The following BICC1 variants were observed in gnomAD, a reference collection of about 807,000 sequenced individuals.
The protein encoded by BICC1 is BicC family RNA binding protein 1, also known as protein bicaudal C homolog 1.
A neutral mutation model predicts 111.0 loss-of-function variants in BICC1; 43 were observed. The ratio of observed to expected loss-of-function variants is 0.39; its 90% CI spans 0.30 to 0.50. BICC1 has a LOEUF of 0.50. Among genes scored for constraint, BICC1 ranks in the 20% least tolerant of loss-of-function variants. The pLI is 0.88. For missense variants in BICC1, 1,091 were observed against 1,203.2 expected, an observed-to-expected ratio of 0.91 and a Z score of 1.38; for synonymous variants, 467 against 434.4, an observed-to-expected ratio of 1.07 and a Z score of -0.93.
chr10:58,513,188 C>G lies in BICC1; in HGVS notation c.45C>G (p.Asp15Glu). The change falls in exon 1 of 21, where the codon GAC becomes GAG. Residue 15 changes from aspartate (D) to glutamate (E), a missense_variant. By Grantham distance (45) the Asp-to-Glu change is conservative. Coordinates refer to ENST00000373886, the MANE Select transcript of BICC1 (RefSeq NM_001080512.3). ...CCGGCTACCTGGCGGCGCAGTCGGA[C>G]CCCGGCTCCAACAGCGAGCGCAGCA... is the stretch of plus-strand genomic sequence containing the variant. Reference protein sequence around the residue: ...GEPGYLAAQSDPGSNSERSTD... With the variant: ...GEPGYLAAQSEPGSNSERSTD... 1 of 1,591,660 alleles carries G rather than the reference C, an allele frequency of 6.3e-7. No homozygotes were observed. The highest frequency in any genetic ancestry group is 8.5e-7 in the Non-Finnish European group (1 of 1,170,764).
At chr10:58,758,719 CT>C (rs1368283876) in intron 3 of BICC1, among the ~76,000 whole-genome samples, 2 of 152,062 alleles carry the variant, frequency 1.3e-5, no homozygotes, top group African/African-American at 2.4e-5. Context: ...ATGGCACTAA[CT>C]TTTTTTATTT....
At chr10:58,742,160 TTG>T (rs1554827383) in intron 3 of BICC1, among the ~76,000 whole-genome samples, 1 of 164 alleles carries the variant, frequency 6.1e-3, no homozygotes, top group Non-Finnish European at 0.012. Flanking sequence ...GTTTGAAAAC[TTG>T]TTTTTTTCCT....
intron 1 of BICC1, among the ~76,000 whole-genome samples, chr10:58,619,836 C>A (rs1164826004): frequency 6.6e-6 from 1 of 152,168 alleles, no homozygotes; most frequent in African/African-American, 2.4e-5. Context: ...TGCCACATTT[C>A]TTGGGTCTTT....
At chr10:58,753,514 T>A (rs1375008019) in intron 3 of BICC1, among the ~76,000 whole-genome samples, 1 of 152,118 alleles carries the variant, frequency 6.6e-6, no homozygotes, top group East Asian at 1.9e-4. Context: ...GGAATATGTT[T>A]TTGTATATGA....
At chr10:58,670,239 C>T (rs1839141803) in intron 2 of BICC1, among the ~76,000 whole-genome samples, 1 of 152,146 alleles carries the variant, frequency 6.6e-6, no homozygotes, top group African/African-American at 2.4e-5. Flanking sequence ...CCCTACACTT[C>T]ACCTCATCAG....
intron 1 of BICC1, among the ~76,000 whole-genome samples, chr10:58,566,393 C>T (rs1843765898): frequency 6.6e-6 from 1 of 151,970 alleles, no homozygotes; most frequent in African/African-American, 2.4e-5. Flanking sequence ...TTTCTTTATC[C>T]AGTCATTGAT....
chr10:58,727,521 AG>A (rs1435545006), intron 3 of BICC1, among the ~76,000 whole-genome samples: 1 of 151,638 alleles, frequency 6.6e-6, no homozygotes, highest in Non-Finnish European at 1.5e-5. Context: ...CGGGAGACTG[AG>A]GCTACAGTGA....
At chr10:58,599,614 C>T (rs565246101) in intron 1 of BICC1, among the ~76,000 whole-genome samples, 10 of 152,046 alleles carry the variant, frequency 6.6e-5, no homozygotes, top group African/African-American at 9.7e-5. Context: ...CAAAACTGCA[C>T]GTTCTGCACA....
At chr10:58,677,141 TCTC>T (rs1028846089) in intron 2 of BICC1, among the ~76,000 whole-genome samples, 45 of 152,204 alleles carry the variant, frequency 3.0e-4, no homozygotes, top group Middle Eastern at 3.4e-3. Context: ...GAATGCCTCT[TCTC>T]CTCCAAAGGA....
intron 1 of BICC1, among the ~76,000 whole-genome samples, chr10:58,610,774 TCA>T (rs1224557216): frequency 6.6e-6 from 1 of 152,200 alleles, no homozygotes; most frequent in Non-Finnish European, 1.5e-5. Flanking sequence ...TTTTTGCGGT[TCA>T]CACATTTTGG....
chr10:58,653,085 T>A (rs1279438854), intron 2 of BICC1, among the ~76,000 whole-genome samples: 1 of 152,158 alleles, frequency 6.6e-6, no homozygotes, highest in East Asian at 1.9e-4. Flanking sequence ...GAGCTAATCA[T>A]TGATTTTTTT....
At chr10:58,620,942 G>T in intron 2 of BICC1, 41 bp downstream of exon 2, 1 of 1,558,438 alleles carries the variant, frequency 6.4e-7, no homozygotes, top group Non-Finnish European at 8.8e-7. Context: ...TAAGTAAGAG[G>T]AAATATACTT....
intron 3 of BICC1, among the ~76,000 whole-genome samples, chr10:58,739,866 C>T (rs1841599257): frequency 6.6e-6 from 1 of 152,172 alleles, no homozygotes; most frequent in South Asian, 2.1e-4. Flanking sequence ...TATATCTCCA[C>T]TGGTCAAAGA....
At chr10:58,718,261 G>C (rs1002861791) in intron 3 of BICC1, among the ~76,000 whole-genome samples, 8 of 152,140 alleles carry the variant, frequency 5.3e-5, no homozygotes, top group African/African-American at 1.9e-4. Flanking sequence ...GTTCCTCATA[G>C]GTGGCACCTT....
chr10:58,578,796 C>T lies in BICC1; in HGVS notation c.191-42059C>T, dbSNP rs1053491644. Among the ~76,000 whole-genome samples the T allele has an allele frequency of 1.3e-5, 2 of 152,270 alleles. 1 individual carries two copies. The highest frequency in any genetic ancestry group is 4.1e-4 in the South Asian group (2 of 4,828). ...CCCTATAAGAGCCATGCCCCCTCTC[C>T]CACCTGTGTGTGCAGGAGTTCAACC... On this transcript the variant is annotated intron_variant, in intron 1 of 20. Coordinates refer to ENST00000373886, the MANE Select transcript of BICC1 (RefSeq NM_001080512.3).
At chr10:58,744,116 C>G (rs942566071) in intron 3 of BICC1, among the ~76,000 whole-genome samples, 2 of 152,194 alleles carry the variant, frequency 1.3e-5, no homozygotes, top group African/African-American at 2.4e-5. Flanking sequence ...AATTGCAATT[C>G]TAAGTGAGCT....
intron 1 of BICC1, among the ~76,000 whole-genome samples, chr10:58,524,346 A>G (rs1280820131): frequency 1.3e-5 from 2 of 152,184 alleles, no homozygotes; most frequent in Non-Finnish European, 2.9e-5. Context: ...TGATACCAAA[A>G]CAGAGATATA....
intron 1 of BICC1, among the ~76,000 whole-genome samples, chr10:58,592,126 A>G (rs1415886926): frequency 2.0e-5 from 3 of 152,242 alleles, no homozygotes; most frequent in Non-Finnish European, 2.9e-5. Flanking sequence ...GAGGAAAAAC[A>G]TACATTTTAC....
chr10:58,828,758 T>A lies in BICC1; in HGVS notation c.2795-3T>A. On this transcript the variant is annotated splice_polypyrimidine_tract_variant and splice_region_variant and intron_variant, in intron 20 of 20. Coordinates refer to ENST00000373886, the MANE Select transcript of BICC1 (RefSeq NM_001080512.3). ...CCTAACAATTCTCTCTTTCTCTCTC[T>A]AGAACTAAATAAAAACCGAAGAAAG... 6.2e-7 allele frequency: 1 copy of A among 1,613,208 alleles called. No individual in the cohort carries two copies. The highest frequency in any genetic ancestry group is 8.5e-7 in the Non-Finnish European group (1 of 1,179,464).
Sources: gnomAD v4.1 joint callset for allele counts (sites outside exome capture counted in the v4.1 genomes callset) on GRCh38, gnomAD v4.1.1 for gene constraint, MANE v1.5 for transcripts, NCBI Gene and HGNC (gene_info 2026-07-23, HGNC 2026-07-21) for gene names.